The following PAPOLG variants were observed in gnomAD, a reference collection of about 807,000 sequenced individuals.
PAPOLG encodes the protein poly(A) polymerase gamma, also known as PAP-gamma.
PAPOLG carries 40 observed loss-of-function variants against 99.0 expected under a neutral mutation model. The ratio of observed to expected loss-of-function variants is 0.40; its 90% confidence interval spans 0.31 to 0.53. The LOEUF is 0.53. Ranked by LOEUF, PAPOLG falls within the 20% of genes least tolerant of loss-of-function variation. The pLI is 0.41. For synonymous variants in PAPOLG, 310 were observed against 299.3 expected (o/e 1.04, Z -0.37); for missense variants, 675 against 884.1 (o/e 0.76, Z 3.00).
At chr2:60,775,814 G>T (rs113608370) in intron 8 of PAPOLG, among the ~76,000 whole-genome samples, 1,537 of 151,710 alleles carry the variant, frequency 0.01, 43 homozygotes, top group African/African-American at 0.035. Flanking sequence ...GCCAAGGCTG[G>T]AGTGCAGTGG....
At chr2:60,768,584 C>G (rs769825866) in intron 4 of PAPOLG, 33 bp downstream of exon 4, 35 of 1,498,114 alleles carry the variant, frequency 2.3e-5, no homozygotes, top group East Asian at 9.0e-5. Flanking sequence ...GTGCTAAGAA[C>G]ATTCAATAAC....
chr2:60,756,341 T>G lies in PAPOLG; in HGVS notation c.-138T>G, dbSNP rs1670337722. The G allele has an allele frequency of 7.4e-6, 8 of 1,078,820 alleles. No homozygotes were observed. The highest frequency in any genetic ancestry group is 2.6e-5 in the South Asian group (2 of 77,490). 66.8% of individuals were successfully genotyped at this position (1,078,820 alleles called of 1,614,324 possible). A position where few individuals can be genotyped will look rare whatever the true frequency, so the allele number is the denominator to read the frequency against. On this transcript the variant is annotated 5_prime_UTR_variant, in exon 1 of 22. Coordinates refer to ENST00000238714, the MANE Select transcript of PAPOLG (RefSeq NM_022894.4). ...TGTTTTCACTACTCGGTTGGATGCCTCAGCCATAGTAAGTGGGAAAGTGAG... is the reference window on the plus strand; with the variant it reads ...TGTTTTCACTACTCGGTTGGATGCCGCAGCCATAGTAAGTGGGAAAGTGAG...
Position 60,792,234 on chromosome 2 carries a change from C to T in PAPOLG, c.1624C>T (p.Pro542Ser). Reference sequence around the variant, plus strand: ...CTCCAGAGACACTGATAATGGAACACCTTTTAATTCTCCAGCGTCCAAGTC... The same window carrying T: ...CTCCAGAGACACTGATAATGGAACATCTTTTAATTCTCCAGCGTCCAAGTC... ...DSSRDTDNGT[P>S]FNSPASKSDS... The change falls in exon 17 of 22, where the codon CCT becomes TCT. Residue 542 changes from proline (P) to serine (S), a missense_variant. Physicochemically the swap from Pro to Ser is moderately conservative, Grantham distance 74. This residue lies in a region of PAPOLG where 413 missense variants were observed against 460.5 expected (regional missense o/e 0.90). Transcript: ENST00000238714. The T allele has an allele frequency of 6.2e-7, 1 of 1,610,236 alleles. No homozygotes were observed. The highest frequency in any genetic ancestry group is 8.5e-7 in the Non-Finnish European group (1 of 1,179,288).
chr2:60,762,052 TA>T (rs1010942335), intron 3 of PAPOLG, among the ~76,000 whole-genome samples: 1 of 152,206 alleles, frequency 6.6e-6, no homozygotes, highest in African/African-American at 2.4e-5. Context: ...GGCCAAAATT[TA>T]AATATCAGAT....
chr2:60,764,191 C>T (rs979105254), intron 3 of PAPOLG, among the ~76,000 whole-genome samples: 1 of 152,206 alleles, frequency 6.6e-6, no homozygotes, highest in African/African-American at 2.4e-5. Context: ...GAATGTTCAA[C>T]TGGGTGATAC....
chr2:60,780,766 T>A lies in PAPOLG; in HGVS notation c.893T>A (p.Val298Asp). The A allele has an allele frequency of 6.2e-7, 1 of 1,612,756 alleles. No individual in the cohort carries two copies. Among genetic ancestry groups the A allele is most frequent in the Non-Finnish European group, 8.5e-7 (1 of 1,178,714 alleles). ...GAAGAAAGCAATTTGAATTTGCCTG[T>A]CTGGGATCCTCGGGTATGTGATTTA... Reference protein sequence around the residue: ...QPEESNLNLPVWDPRVNPSDR... With the variant: ...QPEESNLNLPDWDPRVNPSDR... The change falls in exon 10 of 22, where the codon GTC (valine) becomes GAC (aspartate). Residue 298 changes from valine (V) to aspartate (D), a missense_variant. By Grantham distance (152) the Val-to-Asp change is radical. Coordinates refer to ENST00000238714, the MANE Select transcript of PAPOLG (RefSeq NM_022894.4).
At chr2:60,776,724 G>A (rs1438956775) in intron 8 of PAPOLG, among the ~76,000 whole-genome samples, 2 of 152,054 alleles carry the variant, frequency 1.3e-5, no homozygotes, top group Admixed American at 6.6e-5. Context: ...CACCATGCCC[G>A]GCCAGCTTCA....
intron 8 of PAPOLG, among the ~76,000 whole-genome samples, chr2:60,778,960 C>T (rs1184514881): frequency 6.6e-6 from 1 of 151,872 alleles, no homozygotes; most frequent in Non-Finnish European, 1.5e-5. Context: ...TGGTGGTGCA[C>T]CCCTGTAATC....
chr2:60,778,685 A>G (rs929350527), intron 8 of PAPOLG, among the ~76,000 whole-genome samples: 1 of 152,196 alleles, frequency 6.6e-6, no homozygotes, highest in Non-Finnish European at 1.5e-5. Context: ...CATATTGGAC[A>G]GTGCAGGTCT....
chr2:60,775,985 C>T (rs1366509982), intron 8 of PAPOLG, among the ~76,000 whole-genome samples: 1 of 152,046 alleles, frequency 6.6e-6, no homozygotes, highest in Non-Finnish European at 1.5e-5. Flanking sequence ...GGCTGGTCTC[C>T]AACTCCTGAC....
intron 3 of PAPOLG, among the ~76,000 whole-genome samples, chr2:60,765,175 C>T (rs1210687323): frequency 6.6e-6 from 1 of 151,752 alleles, no homozygotes; most frequent in South Asian, 2.1e-4. Context: ...CTCAAGCAAT[C>T]CTCTCACCCC....
chr2:60,782,883 G>T, intron 12 of PAPOLG, 113 bp downstream of exon 12: 1 of 1,272,140 alleles, frequency 7.9e-7, no homozygotes, highest in Admixed American at 3.5e-5. Context: ...AAGCAAGAGA[G>T]AATAGATTAA....
intron 11 of PAPOLG, among the ~76,000 whole-genome samples, chr2:60,782,471 C>T (rs931136042): frequency 9.2e-5 from 14 of 151,632 alleles, no homozygotes; most frequent in African/African-American, 3.1e-4. Flanking sequence ...GCAGGAGAAT[C>T]GCTTGAACCC....
chr2:60,778,172 G>C (rs1026088244), intron 8 of PAPOLG, among the ~76,000 whole-genome samples: 3 of 151,842 alleles, frequency 2.0e-5, no homozygotes, highest in Middle Eastern at 3.4e-3. Flanking sequence ...TTTTAGACAG[G>C]GGCTTGCTGT....
chr2:60,780,891 A>C, intron 10 of PAPOLG, 112 bp downstream of exon 10: 1 of 852,324 alleles, frequency 1.2e-6, no homozygotes, highest in Non-Finnish European at 1.9e-6. Flanking sequence ...CTTCTATATA[A>C]CTATAGTCCC....
In PAPOLG at chr2:60,794,794, T is replaced by C. The variant is rs1310625730; in HGVS notation, c.2055+19T>C. The C allele has an allele frequency of 6.4e-7, 1 of 1,573,360 alleles. No individual in the cohort carries two copies. The highest frequency in any genetic ancestry group is 8.7e-7 in the Non-Finnish European group (1 of 1,143,678). The stretch of plus-strand genomic sequence containing the variant: ...ATCAGTGGTAAATATATTAATAGTG[T>C]GCTTCAGAATATTTATTGTAAAGCG... On this transcript the variant is annotated intron_variant, in intron 20 of 21. Transcript: ENST00000238714.
rs1404319084 is a variant in PAPOLG at position 60,782,888 on chromosome 2, G to A, written c.1112+118G>A. The A allele has an allele frequency of 1.5e-5, 19 of 1,243,500 alleles. No homozygotes were observed. In the South Asian group the frequency reaches 3.4e-4, roughly 22 times the overall value. The allele number at this position is 1,243,500 out of a possible 1,614,324, so 77.0% of individuals were successfully genotyped here. ...TTTATTTCTTAAGCAAGAGAGAATA[G>A]ATTAACAAAAATCCTAAGAGATAAG... On this transcript the variant is annotated intron_variant, in intron 12 of 21. Coordinates refer to ENST00000238714, the MANE Select transcript of PAPOLG (RefSeq NM_022894.4).
intron 12 of PAPOLG, 103 bp downstream of exon 12, chr2:60,782,873 A>T: frequency 7.5e-7 from 1 of 1,328,248 alleles, no homozygotes; most frequent in Non-Finnish European, 1.0e-6. Context: ...TTTATTTCTT[A>T]AGCAAGAGAG....
chr2:60,779,508 A>G (rs181710192), intron 8 of PAPOLG, 129 bp from the exon 9 acceptor site: 12 of 1,087,394 alleles, frequency 1.1e-5, no homozygotes, highest in African/African-American at 6.4e-5. Context: ...TTTCCAACCA[A>G]CCGTCTTATG....
Sources: allele counts gnomAD v4.1 joint callset (sites outside exome capture counted in the v4.1 genomes callset), GRCh38; gene constraint gnomAD v4.1.1; regional missense constraint gnomAD v4.1.1; transcripts MANE v1.5; gene names NCBI Gene and HGNC (gene_info 2026-07-23, HGNC 2026-07-21).